DNAH11: variants seen among roughly 807,000 people sequenced by gnomAD.
DNAH11 encodes dynein axonemal heavy chain 11.
Under a neutral mutation model 526.0 loss-of-function variants are expected in DNAH11, and 442 were observed. The ratio of observed to expected loss-of-function variants is 0.84; its 90% CI spans 0.78 to 0.91. The LOEUF (loss-of-function observed/expected upper bound fraction) is 0.91, where lower values mean the gene tolerates loss of function less well. DNAH11 is among the 40% of genes least tolerant of loss of function. The pLI is 0.00. For missense variants in DNAH11, 6,989 were observed against 5,448.7 expected (o/e 1.28, Z -8.90); for synonymous variants, 2,461 against 1,935.9 (o/e 1.27, Z -7.12).
At position 21,619,882 on chromosome 7, in the gene DNAH11, T is replaced by C. The variant is rs1448044963; in HGVS notation, c.4378-74T>C. 4.2e-6 allele frequency: 6 copies of C among 1,426,140 alleles called. No individual in the cohort carries two copies. The African/African-American group carries it at 5.9e-5, about 14-fold the overall frequency. 88.3% of individuals were successfully genotyped at this position (1,426,140 alleles called of 1,614,324 possible). On this transcript the variant is annotated intron_variant, in intron 24 of 81. Transcript: ENST00000409508. Reference sequence around the variant, plus strand: ...TGCATTTTTGAAAGTTGAAAAAAATTAATTCCAGATAATAGTCTACATATT... The same window carrying C: ...TGCATTTTTGAAAGTTGAAAAAAATCAATTCCAGATAATAGTCTACATATT...
chr7:21,609,482 C>T (rs1466834710), intron 20 of DNAH11, among the ~76,000 whole-genome samples: 2 of 152,012 alleles, frequency 1.3e-5, no homozygotes, highest in African/African-American at 2.4e-5. Flanking sequence ...AGCCTCCCAA[C>T]TTGCTGGGAT....
At chr7:21,661,759 G>C (rs998065130) in intron 30 of DNAH11, among the ~76,000 whole-genome samples, 3 of 152,026 alleles carry the variant, frequency 2.0e-5, no homozygotes, top group African/African-American at 7.2e-5. Flanking sequence ...TGCAAAACAC[G>C]GACAATGACA....
At chr7:21,603,184 C>G (rs1287782392) in intron 18 of DNAH11, among the ~76,000 whole-genome samples, 5 of 152,176 alleles carry the variant, frequency 3.3e-5, no homozygotes, top group Non-Finnish European at 7.3e-5. Context: ...AGGCTTCTTT[C>G]ACTTGGTATA....
chr7:21,623,470 T>C (rs1291201510), intron 25 of DNAH11, among the ~76,000 whole-genome samples: 2 of 152,202 alleles, frequency 1.3e-5, no homozygotes, highest in Non-Finnish European at 1.5e-5. Context: ...ACTGGGTATA[T>C]ACCCAAAGGA....
At chr7:21,558,115 A>G (rs1282459320) in intron 2 of DNAH11, among the ~76,000 whole-genome samples, 1 of 152,224 alleles carries the variant, frequency 6.6e-6, no homozygotes, top group Non-Finnish European at 1.5e-5. Flanking sequence ...ATGTTTATAA[A>G]CTGGACAGAT....
intron 28 of DNAH11, among the ~76,000 whole-genome samples, chr7:21,642,760 G>A (rs775772664): frequency 1.2e-4 from 19 of 152,132 alleles, no homozygotes; most frequent in Non-Finnish European, 2.8e-4. Context: ...GAGAGTTTCT[G>A]CAGTTAATTG....
At position 21,735,370 on chromosome 7, in the gene DNAH11, T is replaced by A. The variant is rs1463555434; in HGVS notation, c.7441-270T>A. On this transcript the variant is annotated intron_variant, in intron 45 of 81. Coordinates refer to ENST00000409508, the MANE Select transcript of DNAH11 (RefSeq NM_001277115.2). ...GGAGCCTTGGGGGCTAGTACTTAATTTGGAAATGATAAATCAGTTGTTTAC... is the reference window on the plus strand; with the variant it reads ...GGAGCCTTGGGGGCTAGTACTTAATATGGAAATGATAAATCAGTTGTTTAC... Among the ~76,000 whole-genome samples, 3 of 152,196 alleles carry A rather than the reference T, an allele frequency of 2.0e-5. No homozygotes were observed. The East Asian group carries it at 5.8e-4, about 29-fold the overall frequency.
At chr7:21,882,111 G>A (rs1023661914) in intron 75 of DNAH11, among the ~76,000 whole-genome samples, 1 of 152,112 alleles carries the variant, frequency 6.6e-6, no homozygotes, top group Non-Finnish European at 1.5e-5. Context: ...CTTCATAACT[G>A]TCCTGTGAGG....
chr7:21,671,287 C>A (rs1782632999), intron 30 of DNAH11, among the ~76,000 whole-genome samples: 1 of 152,150 alleles, frequency 6.6e-6, no homozygotes, highest in African/African-American at 2.4e-5. Context: ...CCAAATCTGG[C>A]CCAGTGTCTA....
chr7:21,852,720 C>T (rs1408441485), intron 67 of DNAH11, 89 bp downstream of exon 67: 2 of 1,369,698 alleles, frequency 1.5e-6, no homozygotes, highest in Non-Finnish European at 1.9e-6. Flanking sequence ...CTTGGTAATT[C>T]CTCTAAGAGG....
chr7:21,771,761 G>A (rs147268717), intron 55 of DNAH11, among the ~76,000 whole-genome samples: 35 of 152,022 alleles, frequency 2.3e-4, no homozygotes, highest in Middle Eastern at 3.4e-3. Context: ...CTCCCCTCAC[G>A]TCTCTCAAAG....
chr7:21,793,458 A>T (rs758148676), intron 61 of DNAH11, among the ~76,000 whole-genome samples: 1 of 152,176 alleles, frequency 6.6e-6, no homozygotes, highest in African/African-American at 2.4e-5. Flanking sequence ...TGTACTAAAA[A>T]TACAAAAATT....
At chr7:21,790,588 C>T (rs1236421541) in intron 61 of DNAH11, among the ~76,000 whole-genome samples, 2 of 152,126 alleles carry the variant, frequency 1.3e-5, no homozygotes, top group Non-Finnish European at 2.9e-5. Context: ...CAGAAAACAC[C>T]ATGAAATACC....
intron 38 of DNAH11, among the ~76,000 whole-genome samples, chr7:21,705,230 G>T (rs891889149): frequency 2.6e-5 from 4 of 152,192 alleles, no homozygotes; most frequent in Admixed American, 1.3e-4. Context: ...CATATACTGA[G>T]TACTGCGTAA....
chr7:21,790,059 T>G (rs1788409074), intron 61 of DNAH11, among the ~76,000 whole-genome samples: 1 of 151,776 alleles, frequency 6.6e-6, no homozygotes, highest in Admixed American at 6.6e-5. Flanking sequence ...TTTTCCTGAA[T>G]AGTGTCCATT....
At chr7:21,821,174 A>G (rs1790034546) in intron 65 of DNAH11, among the ~76,000 whole-genome samples, 1 of 152,184 alleles carries the variant, frequency 6.6e-6, no homozygotes, top group Admixed American at 6.6e-5. Flanking sequence ...TTATGGAGAG[A>G]TGTATATAGG....
intron 43 of DNAH11, among the ~76,000 whole-genome samples, chr7:21,719,811 A>C (rs1379390186): frequency 2.0e-5 from 3 of 152,230 alleles, no homozygotes; most frequent in African/African-American, 4.8e-5. Flanking sequence ...TGTGTGTATA[A>C]TAGAGATGAA....
rs537124353 is a variant in DNAH11 at position 21,863,351 on chromosome 7, C to T, written c.11374-1184C>T. Among the ~76,000 whole-genome samples the T allele has an allele frequency of 2.0e-4, 30 of 152,264 alleles. 1 individual carries two copies. The highest frequency in any genetic ancestry group is 1.7e-3 in the East Asian group (9 of 5,176). On this transcript the variant is annotated intron_variant, in intron 69 of 81. Coordinates refer to ENST00000409508, the MANE Select transcript of DNAH11 (RefSeq NM_001277115.2). ...ACTTGTTTTTTTGTTTGTTTTGAGACGGAGTCTCGCTGTGTCGCCAGGCTG... is the reference window on the plus strand; with the variant it reads ...ACTTGTTTTTTTGTTTGTTTTGAGATGGAGTCTCGCTGTGTCGCCAGGCTG...
chr7:21,721,835 C>A (rs184850732), intron 44 of DNAH11, among the ~76,000 whole-genome samples: 1 of 152,290 alleles, frequency 6.6e-6, no homozygotes, highest in Admixed American at 6.5e-5. Flanking sequence ...CTCCCTCTCT[C>A]CAGTCCCTCT....
Sources: gnomAD v4.1 joint callset for allele counts (sites outside exome capture counted in the v4.1 genomes callset) on GRCh38, gnomAD v4.1.1 for gene constraint, MANE v1.5 for transcripts, NCBI Gene and HGNC (gene_info 2026-07-23, HGNC 2026-07-21) for gene names.